ABTB2: variants seen among roughly 807,000 people sequenced by gnomAD.
ABTB2 encodes the protein ankyrin repeat and BTB/POZ domain-containing protein 2.
A neutral mutation model predicts 104.1 loss-of-function variants in ABTB2; 56 were observed. The ratio of observed to expected loss-of-function variants is 0.54; its 90% CI spans 0.43 to 0.67. The LOEUF is 0.67. ABTB2 is among the 30% of genes least tolerant of loss of function. The probability of loss-of-function intolerance (pLI) is 0.00; values close to 1 mark genes in which losing one functional copy is unlikely to be tolerated. For missense variants in ABTB2, 1,279 were observed against 1,407.7 expected (o/e 0.91, Z 1.46); for synonymous variants, 606 against 608.2 (o/e 1.00, Z 0.05).
intron 3 of ABTB2, among the ~76,000 whole-genome samples, chr11:34,183,319 T>C (rs1330996324): frequency 4.6e-5 from 7 of 152,144 alleles, no homozygotes; most frequent in Admixed American, 2.0e-4. Flanking sequence ...GGGCTGGTCT[T>C]GAACCCCTGG....
chr11:34,299,798 G>T (rs921036447), intron 1 of ABTB2, among the ~76,000 whole-genome samples: 9 of 152,260 alleles, frequency 5.9e-5, no homozygotes, highest in Admixed American at 5.9e-4. Flanking sequence ...TACAAAGCCA[G>T]AAGCAGCGGG....
intron 2 of ABTB2, among the ~76,000 whole-genome samples, chr11:34,201,981 G>A (rs1490410302): frequency 6.6e-6 from 1 of 152,150 alleles, no homozygotes; most frequent in Non-Finnish European, 1.5e-5. Context: ...ACACACACAC[G>A]TGTGCACGCT....
chr11:34,167,928 T>C lies in ABTB2; in HGVS notation c.1628A>G (p.Asp543Gly), dbSNP rs1565130215. The C allele has an allele frequency of 6.2e-7, 1 of 1,614,238 alleles. No individual in the cohort carries two copies. Among genetic ancestry groups the C allele is most frequent in the Admixed American group, 1.7e-5 (1 of 60,024 alleles). ...CTGGATGTCCAAGTTTGCCCCAGCATCAATCAACATCTGGACCATCGCTTC... is the reference window on the plus strand; with the variant it reads ...CTGGATGTCCAAGTTTGCCCCAGCACCAATCAACATCTGGACCATCGCTTC... ...GDEAMVQMLI[D>G]AGANLDIQVP... The change falls in exon 6 of 17, where the codon GAT (aspartate) becomes GGT (glycine). Residue 543 changes from aspartate (D) to glycine (G), a missense_variant. Asp to Gly is a moderately conservative substitution (Grantham distance 94, BLOSUM62 -1). Transcript: ENST00000435224.
At chr11:34,190,930 G>A (rs1853166797) in intron 3 of ABTB2, among the ~76,000 whole-genome samples, 1 of 152,154 alleles carries the variant, frequency 6.6e-6, no homozygotes, top group South Asian at 2.1e-4. Flanking sequence ...ATTTAGCTAA[G>A]TGCTTTACTG....
At chr11:34,168,567 C>T (rs1176462989) in intron 5 of ABTB2, among the ~76,000 whole-genome samples, 2 of 152,218 alleles carry the variant, frequency 1.3e-5, no homozygotes, top group Non-Finnish European at 1.5e-5. Context: ...TCGTAATATT[C>T]CCATCCTCCC....
intron 1 of ABTB2, among the ~76,000 whole-genome samples, chr11:34,238,891 C>G (rs1853878485): frequency 6.6e-6 from 1 of 152,110 alleles, no homozygotes; most frequent in Non-Finnish European, 1.5e-5. Flanking sequence ...GTAGCTGGGA[C>G]TACAGGCGCG....
intron 1 of ABTB2, among the ~76,000 whole-genome samples, chr11:34,239,039 C>T (rs2133061962): frequency 6.6e-6 from 1 of 152,324 alleles, no homozygotes; most frequent in South Asian, 2.1e-4. Flanking sequence ...AGGCATGAGC[C>T]ACCACGCCCA....
chr11:34,295,051 G>T (rs1344374597), intron 1 of ABTB2, among the ~76,000 whole-genome samples: 1 of 152,146 alleles, frequency 6.6e-6, no homozygotes, highest in Non-Finnish European at 1.5e-5. Context: ...AGGCATGGAG[G>T]TGCAAGCCTG....
chr11:34,190,273 A>AG (rs1554981974), intron 3 of ABTB2, among the ~76,000 whole-genome samples: 1 of 4,566 alleles, frequency 2.2e-4, no homozygotes, highest in African/African-American at 6.3e-4. Context: ...CTGCCCCCCC[A>AG]AAAAAAAAAA....
intron 3 of ABTB2, among the ~76,000 whole-genome samples, chr11:34,190,380 C>A (rs2133031583): frequency 6.6e-6 from 1 of 152,312 alleles, no homozygotes; most frequent in East Asian, 1.9e-4. Context: ...ACTTCAGAGC[C>A]TGAGGGCTGA....
Position 34,152,521 on chromosome 11 carries a change from G to C in ABTB2, c.2944C>G (p.Leu982Val). ...TGCCGGAAGGCATCCTGCTCCAGTA[G>C]GGCCTTCATGTGCTTGAGGAAGAAG... ...EGFFLKHMKA[L>V]LEQDAFRQLI... Residue 982 changes from leucine (L) to valine (V), a missense_variant, in exon 17 of 17, where the codon CTA becomes GTA. Leu to Val is a conservative substitution (Grantham distance 32). Transcript: ENST00000435224. 2 of 1,611,876 alleles carry C rather than the reference G, an allele frequency of 1.2e-6. No homozygotes were observed. The highest frequency in any genetic ancestry group is 1.7e-6 in the Non-Finnish European group (2 of 1,179,496).
intron 1 of ABTB2, among the ~76,000 whole-genome samples, chr11:34,223,779 A>G (rs1192842118): frequency 6.6e-6 from 1 of 152,202 alleles, no homozygotes; most frequent in Non-Finnish European, 1.5e-5. Flanking sequence ...CTCCAGTGAG[A>G]TCTGATTGTC....
intron 1 of ABTB2, among the ~76,000 whole-genome samples, chr11:34,228,917 C>G (rs541560935): frequency 6.6e-6 from 1 of 151,656 alleles, no homozygotes; most frequent in Non-Finnish European, 1.5e-5. Flanking sequence ...GTCAGGAGTT[C>G]GAGACCAGCC....
rs143150582 is a variant in ABTB2 at position 34,310,260 on chromosome 11, A to T, written c.883+46441T>A. The stretch of plus-strand genomic sequence containing the variant: ...CCCATTTTCACTTTACCACTTTATT[A>T]TTCCACAGATACCCTAAACTTGGCC... On this transcript the variant is annotated intron_variant, in intron 1 of 16. Transcript: ENST00000435224. Among the ~76,000 whole-genome samples the T allele has an allele frequency of 2.0e-3, 309 of 152,240 alleles. 8 individuals are homozygous for T. The East Asian group carries it at 0.057, about 28-fold the overall frequency.
At chr11:34,246,601 CAAAAAAAAA>C (rs60681759) in intron 1 of ABTB2, among the ~76,000 whole-genome samples, 19 of 34,776 alleles carry the variant, frequency 5.5e-4, no homozygotes, top group African/African-American at 1.4e-3. Flanking sequence ...AACTCCATCT[CAAAAAAAAA>C]AAAAAAAAAA....
At chr11:34,343,862 TA>T (rs1274495469) in intron 1 of ABTB2, among the ~76,000 whole-genome samples, 4 of 152,144 alleles carry the variant, frequency 2.6e-5, no homozygotes, top group African/African-American at 9.7e-5. Context: ...AGCTAGGAAC[TA>T]TGGCAACCCC....
rs554193684 is a variant in ABTB2, at chr11:34,208,969, C to T, written c.884-4279G>A. 2.2e-4 allele frequency among the ~76,000 whole-genome samples: 34 copies of T among 152,224 alleles called. No homozygotes were observed. The South Asian group carries it at 7.1e-3, about 32-fold the overall frequency. ...TCCCCTTACTCTGGTCACCTTGCTC[C>T]AGCTTTGTACTCTTCAATGACTCTC... On this transcript the variant is annotated intron_variant, in intron 1 of 16. Coordinates refer to ENST00000435224, the MANE Select transcript of ABTB2 (RefSeq NM_145804.3).
chr11:34,184,478 G>C (rs924244089), intron 3 of ABTB2, among the ~76,000 whole-genome samples: 3 of 152,220 alleles, frequency 2.0e-5, no homozygotes, highest in African/African-American at 7.2e-5. Flanking sequence ...ACAGCCATCT[G>C]TCCTTAGGAA....
At chr11:34,165,435 C>T in intron 7 of ABTB2, 79 bp from the exon 8 acceptor site, 1 of 1,238,976 alleles carries the variant, frequency 8.1e-7, no homozygotes. Context: ...CTTTCGGGGA[C>T]AGGGCCTTTG....
Sources: gnomAD v4.1 joint callset for allele counts (sites outside exome capture counted in the v4.1 genomes callset) on GRCh38, gnomAD v4.1.1 for gene constraint, MANE v1.5 for transcripts, NCBI Gene and HGNC (gene_info 2026-07-23, HGNC 2026-07-21) for gene names.